The following ZFAND3 variants were observed in gnomAD, a reference collection of about 807,000 sequenced individuals.
ZFAND3 encodes the protein AN1-type zinc finger protein 3.
A neutral mutation model predicts 29.6 loss-of-function variants in ZFAND3; 10 were observed. The ratio of observed to expected loss-of-function variants is 0.34; its 90% CI spans 0.21 to 0.57. ZFAND3 has a LOEUF of 0.57. Ranked by LOEUF, ZFAND3 falls within the 20% of genes least tolerant of loss-of-function variation. ZFAND3 has a pLI of 0.86. For synonymous variants in ZFAND3, 128 were observed against 112.6 expected (o/e 1.14, Z -0.87); for missense variants, 230 against 304.5 (o/e 0.76, Z 1.82).
At chr6:37,929,938 T>C (rs776579125) in intron 1 of ZFAND3, 21 bp from the exon 2 acceptor site, 7 of 1,587,188 alleles carry the variant, frequency 4.4e-6, no homozygotes, top group Non-Finnish European at 6.0e-6. Context: ...TCTTTCTTTC[T>C]TTTCTTTTTG....
chr6:38,063,045 TA>T (rs140058832), intron 3 of ZFAND3, among the ~76,000 whole-genome samples: 13,440 of 152,204 alleles, frequency 0.088, 775 homozygotes, highest in East Asian at 0.29. Context: ...ACTGTGGTCT[TA>T]ACCATTACAC....
intron 2 of ZFAND3, among the ~76,000 whole-genome samples, chr6:38,050,014 G>A (rs1179837711): frequency 1.4e-5 from 2 of 143,828 alleles, no homozygotes; most frequent in Non-Finnish European, 3.0e-5. Context: ...TAGCACAGTG[G>A]TGCAATCTTG....
At chr6:38,103,764 T>TAGATTAGG (rs1340390201) in intron 4 of ZFAND3, among the ~76,000 whole-genome samples, 1 of 152,224 alleles carries the variant, frequency 6.6e-6, no homozygotes, top group Admixed American at 6.5e-5. Flanking sequence ...CTTGGGCATG[T>TAGATTAGG]GGACTTTGAG....
At position 37,907,281 on chromosome 6, in the gene ZFAND3, C is replaced by T. The variant is rs559905564; in HGVS notation, c.72-22678C>T. ...ATAAAATACACCCATTCTAACTGTACGTAGTTCAGTGATTTTTAGTCAACT... is the reference window on the plus strand; with the variant it reads ...ATAAAATACACCCATTCTAACTGTATGTAGTTCAGTGATTTTTAGTCAACT... On this transcript the variant is annotated intron_variant, in intron 1 of 5. Coordinates refer to ENST00000287218, the MANE Select transcript of ZFAND3 (RefSeq NM_021943.3). 9.9e-5 allele frequency among the ~76,000 whole-genome samples: 15 copies of T among 152,176 alleles called. No homozygotes were observed. The South Asian group carries it at 2.3e-3, about 23-fold the overall frequency.
intron 1 of ZFAND3, among the ~76,000 whole-genome samples, chr6:37,916,754 C>CCATG (rs530298966): frequency 8.9e-4 from 135 of 152,310 alleles, no homozygotes; most frequent in African/African-American, 2.9e-3. Flanking sequence ...CTGCAGTCAA[C>CCATG]CATGTTGTGA....
intron 2 of ZFAND3, among the ~76,000 whole-genome samples, chr6:37,976,135 A>G (rs75660916): frequency 0.063 from 9,632 of 152,288 alleles, 425 homozygotes; most frequent in Middle Eastern, 0.095. Flanking sequence ...ATGCTACTTT[A>G]AAGGGTATTT....
chr6:38,151,414 C>T (rs1283835917), intron 5 of ZFAND3, among the ~76,000 whole-genome samples: 1 of 152,110 alleles, frequency 6.6e-6, no homozygotes, highest in African/African-American at 2.4e-5. Flanking sequence ...CAACCTCTCT[C>T]ACCTACCCAG....
intron 3 of ZFAND3, 143 bp downstream of exon 3, chr6:38,061,918 G>A (rs1349841257): frequency 9.9e-7 from 1 of 1,009,422 alleles, no homozygotes; most frequent in Admixed American, 2.9e-5. Flanking sequence ...AGCTCAGCAA[G>A]TTAGAGAATA....
rs571926506 is a variant in ZFAND3, at chr6:38,153,820, G to A, written c.*1431G>A. ...TCCTAGTGCCGCATCAGATCCAGGTGGGTGAGGGCAGGAGGCCCCTGCGGA... is the reference window on the plus strand; with the variant it reads ...TCCTAGTGCCGCATCAGATCCAGGTAGGTGAGGGCAGGAGGCCCCTGCGGA... On this transcript the variant is annotated 3_prime_UTR_variant, in exon 6 of 6. Transcript: ENST00000287218. 10 of 985,522 alleles carry A rather than the reference G, an allele frequency of 1.0e-5. No individual in the cohort carries two copies. The highest frequency in any genetic ancestry group is 5.2e-4 in the Middle Eastern group (1 of 1,914). The allele number at this position is 985,522 out of a possible 1,614,324, so 61.0% of individuals were successfully genotyped here. A position where few individuals can be genotyped will look rare whatever the true frequency, so the allele number is the denominator to read the frequency against.
intron 1 of ZFAND3, among the ~76,000 whole-genome samples, chr6:37,888,188 A>C (rs1581736205): frequency 6.6e-6 from 1 of 152,310 alleles, no homozygotes; most frequent in East Asian, 1.9e-4. Context: ...AGTATGGTTA[A>C]AATTTTTGCA....
At chr6:38,053,042 A>G (rs1021311691) in intron 2 of ZFAND3, among the ~76,000 whole-genome samples, 1 of 150,538 alleles carries the variant, frequency 6.6e-6, no homozygotes, top group African/African-American at 2.4e-5. Flanking sequence ...TCGAAAAAAA[A>G]AAAAAAGAAA....
intron 5 of ZFAND3, among the ~76,000 whole-genome samples, chr6:38,119,713 G>A (rs1043769949): frequency 3.9e-5 from 6 of 152,230 alleles, no homozygotes; most frequent in Non-Finnish European, 5.9e-5. Flanking sequence ...CAGGGCTGTC[G>A]TCCAAACACT....
At chr6:37,935,971 A>G (rs1761691066) in intron 2 of ZFAND3, among the ~76,000 whole-genome samples, 1 of 152,198 alleles carries the variant, frequency 6.6e-6, no homozygotes, top group South Asian at 2.1e-4. Context: ...GGTAGAAATG[A>G]TACTGCCTAT....
intron 1 of ZFAND3, among the ~76,000 whole-genome samples, chr6:37,902,556 T>C (rs1036025392): frequency 3.3e-5 from 5 of 151,918 alleles, no homozygotes; most frequent in African/African-American, 9.7e-5. Flanking sequence ...TAAAAGAAAA[T>C]GTTGTTCATA....
At position 37,943,882 on chromosome 6, in the gene ZFAND3, C is replaced by G. The variant is rs1007257844; in HGVS notation, c.112+13883C>G. ...TATTATTTCATCTTTTATTTGCATA[C>G]TTCAACCTCAGTTTCCTTTCTCCTT... On this transcript the variant is annotated intron_variant, in intron 2 of 5. Coordinates refer to ENST00000287218, the MANE Select transcript of ZFAND3 (RefSeq NM_021943.3). 2.6e-5 allele frequency among the ~76,000 whole-genome samples: 4 copies of G among 152,178 alleles called. 1 individual carries two copies. Among genetic ancestry groups the G allele is most frequent in the Non-Finnish European group, 2.9e-5 (2 of 68,014 alleles).
chr6:38,133,298 G>T (rs1017564935), intron 5 of ZFAND3, among the ~76,000 whole-genome samples: 1 of 152,154 alleles, frequency 6.6e-6, no homozygotes, highest in African/African-American at 2.4e-5. Flanking sequence ...AGTGCCTGGC[G>T]TGCGGTGACA....
intron 4 of ZFAND3, among the ~76,000 whole-genome samples, chr6:38,085,105 T>C (rs1218040632): frequency 2.0e-5 from 3 of 152,224 alleles, no homozygotes; most frequent in East Asian, 3.8e-4. Context: ...TCATTTTTCT[T>C]CTGAACCACC....
chr6:38,014,481 C>T (rs1259913040), intron 2 of ZFAND3, among the ~76,000 whole-genome samples: 1 of 152,068 alleles, frequency 6.6e-6, no homozygotes, highest in Non-Finnish European at 1.5e-5. Flanking sequence ...CACCTGCCAC[C>T]ATGCCCAGCT....
At chr6:38,070,974 A>G (rs1034949194) in intron 3 of ZFAND3, among the ~76,000 whole-genome samples, 1 of 151,856 alleles carries the variant, frequency 6.6e-6, no homozygotes, top group Non-Finnish European at 1.5e-5. Context: ...TTAGCAATTT[A>G]TAAGTCTCCA....
Sources: allele counts gnomAD v4.1 joint callset (sites outside exome capture counted in the v4.1 genomes callset), GRCh38; gene constraint gnomAD v4.1.1; transcripts MANE v1.5; gene names NCBI Gene and HGNC (gene_info 2026-07-23, HGNC 2026-07-21).